Variants in ADGRG2 observed in about 807,000 individuals in gnomAD.
ADGRG2 encodes the protein G protein-coupled receptor 64.
In ADGRG2, 26 loss-of-function variants were observed where a neutral mutation model predicts 74.1. That is an observed-to-expected ratio of 0.35 (90% CI 0.26 to 0.49). ADGRG2 has a LOEUF of 0.49. Among genes scored for constraint, ADGRG2 ranks in the 20% least tolerant of loss-of-function variants. The probability of loss-of-function intolerance (pLI) is 0.99; values close to 1 mark genes in which losing one functional copy is unlikely to be tolerated. For missense variants in ADGRG2, 619 were observed against 763.1 expected (o/e 0.81, Z 2.22); for synonymous variants, 296 against 295.2 (o/e 1.00, Z -0.03).
At chrX:19,096,365 T>C (rs1339718536) in intron 1 of ADGRG2, among the ~76,000 whole-genome samples, 1 of 104,880 alleles carries the variant, frequency 9.5e-6, no homozygotes, top group Admixed American at 1.0e-4. Context: ...TGAGCCAAGA[T>C]TGCGCCACTG....
intron 3 of ADGRG2, among the ~76,000 whole-genome samples, chrX:19,065,719 A>G (rs762209260): frequency 3.7e-4 from 42 of 112,027 alleles, no homozygotes; most frequent in African/African-American, 1.3e-3. Context: ...GGACTCCGCC[A>G]CTTCCTAACC....
At chrX:19,122,396 C>G (rs1316850183) in intron 1 of ADGRG2, 46 bp downstream of exon 1, 10 of 112,192 alleles carry the variant, frequency 8.9e-5, no homozygotes, top group Non-Finnish European at 1.5e-4. Flanking sequence ...GAGTCTGGGT[C>G]TCAGGACCCC....
At chrX:19,109,842 C>T (rs1452342938) in intron 1 of ADGRG2, among the ~76,000 whole-genome samples, 1 of 111,908 alleles carries the variant, frequency 8.9e-6, no homozygotes, top group African/African-American at 3.2e-5. Flanking sequence ...AAAAATGTGA[C>T]ACTAATGATC....
At chrX:19,098,065 G>C (rs866154208) in intron 1 of ADGRG2, among the ~76,000 whole-genome samples, 62 of 112,994 alleles carry the variant, frequency 5.5e-4, no homozygotes, top group Middle Eastern at 9.3e-3. Context: ...TTTCTATTAA[G>C]ATGCTCATTT....
Position 18,994,972 on chromosome X carries a change from T to C in ADGRG2, c.2793A>G (p.Leu931=). The change falls in exon 28 of 29, where the codon TTA becomes TTG. Residue 931 remains leucine, a synonymous_variant. Transcript: ENST00000379869. ...AGTTAGTGGAGTTACTGCTTGACTGTAAGGAATTTGAAGAGCTGGACACTC... is the reference window on the plus strand; with the variant it reads ...AGTTAGTGGAGTTACTGCTTGACTGCAAGGAATTTGAAGAGCTGGACACTC... ...NQGVSSSSNS[L]QSSSNSTNST... 2 of 1,201,002 alleles carry C rather than the reference T, an allele frequency of 1.7e-6. No homozygotes were observed. Among genetic ancestry groups the C allele is most frequent in the Non-Finnish European group, 2.3e-6 (2 of 885,663 alleles).
At chrX:19,026,048 A>ACACCCCAC (rs2060693961) in intron 11 of ADGRG2, among the ~76,000 whole-genome samples, 2 of 111,988 alleles carry the variant, frequency 1.8e-5, no homozygotes, top group African/African-American at 3.2e-5. Flanking sequence ...GACATGAATA[A>ACACCCCAC]CACCCCACCC....
At chrX:19,013,624 C>T in intron 16 of ADGRG2, 62 bp downstream of exon 16, 1 of 984,911 alleles carries the variant, frequency 1.0e-6, no homozygotes, top group Non-Finnish European at 1.4e-6. Flanking sequence ...AAGAAAGGCT[C>T]AACATGGTCT....
At chrX:19,033,546 C>T (rs553399760) in intron 8 of ADGRG2, 67 bp downstream of exon 8, 1 of 544,708 alleles carries the variant, frequency 1.8e-6, no homozygotes, top group Non-Finnish European at 3.1e-6. Flanking sequence ...ATTATAAACA[C>T]CAGCCATTTG....
At chrX:19,075,246 T>G (rs772612891) in intron 2 of ADGRG2, among the ~76,000 whole-genome samples, 1 of 99,840 alleles carries the variant, frequency 1.0e-5, no homozygotes, top group East Asian at 3.1e-4. Context: ...ATAGTGAAAA[T>G]GAAAAAAAAA....
At chrX:19,076,950 C>T (rs1280293474) in intron 2 of ADGRG2, among the ~76,000 whole-genome samples, 1 of 111,024 alleles carries the variant, frequency 9.0e-6, no homozygotes, top group East Asian at 2.8e-4. Flanking sequence ...CTTTCAAGGT[C>T]CTTGGATTAT....
chrX:19,068,921 G>T, intron 2 of ADGRG2, 86 bp from the exon 3 acceptor site: 2 of 450,348 alleles, frequency 4.4e-6, no homozygotes, highest in East Asian at 3.9e-5. Context: ...CTCAACCAAG[G>T]CAACCTGTGA....
In ADGRG2 at chrX:18,994,889, T is replaced by C. The variant is rs748287841; in HGVS notation, c.2869+7A>G. On this transcript the variant is annotated splice_region_variant and intron_variant, in intron 28 of 28. Transcript: ENST00000379869. The stretch of plus-strand genomic sequence containing the variant: ...GCTTGAGAAATACTATATTGAGACA[T>C]ACATACCATTCCCGCTTGCGTGTAC... 1.1e-5 allele frequency: 13 copies of C among 1,179,047 alleles called. No homozygotes were observed. The highest frequency in any genetic ancestry group is 1.5e-5 in the Non-Finnish European group (13 of 872,328).
intron 1 of ADGRG2, among the ~76,000 whole-genome samples, chrX:19,103,926 G>C (rs2062233081): frequency 9.0e-6 from 1 of 111,249 alleles, no homozygotes; most frequent in South Asian, 3.8e-4. Flanking sequence ...GAAAAGGCTG[G>C]GTCCTATCAC....
intron 3 of ADGRG2, among the ~76,000 whole-genome samples, chrX:19,048,720 C>T (rs886833258): frequency 8.9e-6 from 1 of 112,360 alleles, no homozygotes; most frequent in African/African-American, 3.2e-5. Flanking sequence ...TAGCAATCTA[C>T]GCTGCTGGTC....
intron 23 of ADGRG2, among the ~76,000 whole-genome samples, chrX:19,004,311 G>A (rs747098784): frequency 8.9e-6 from 1 of 112,164 alleles, no homozygotes; most frequent in East Asian, 2.8e-4. Flanking sequence ...ATTTTTTTCA[G>A]TAAAGCTTTT....
chrX:19,075,415 G>C (rs962639034), intron 2 of ADGRG2, among the ~76,000 whole-genome samples: 26 of 109,309 alleles, frequency 2.4e-4, no homozygotes, highest in Non-Finnish European at 4.2e-4. Flanking sequence ...CCAGGAGTTC[G>C]AGGTCAGCCT....
At chrX:19,040,935 T>C (rs2061046331) in intron 3 of ADGRG2, among the ~76,000 whole-genome samples, 1 of 111,540 alleles carries the variant, frequency 9.0e-6, no homozygotes, top group African/African-American at 3.2e-5. Flanking sequence ...ATATTATTTC[T>C]CTATGTGTGT....
chrX:19,113,488 T>C (rs2062452500), intron 1 of ADGRG2, among the ~76,000 whole-genome samples: 1 of 112,347 alleles, frequency 8.9e-6, no homozygotes, highest in African/African-American at 3.2e-5. Context: ...AACAGTATCT[T>C]ATCAAAACAT....
At chrX:19,049,437 T>TG (rs1555901660) in intron 3 of ADGRG2, among the ~76,000 whole-genome samples, 1,099 of 96,242 alleles carry the variant, frequency 0.011, 16 homozygotes, top group East Asian at 0.048. Context: ...GCGTTTTTTG[T>TG]GTTTTTTTTT....
Sources: gnomAD v4.1 joint callset for allele counts (sites outside exome capture counted in the v4.1 genomes callset) on GRCh38, gnomAD v4.1.1 for gene constraint, MANE v1.5 for transcripts, NCBI Gene and HGNC (gene_info 2026-07-23, HGNC 2026-07-21) for gene names.